Variants in KLHL6 observed in about 807,000 individuals in gnomAD.
The protein encoded by KLHL6 is kelch like family member 6.
Under a neutral mutation model 58.6 loss-of-function variants are expected in KLHL6, and 41 were observed. That is an observed-to-expected ratio of 0.70 (90% CI 0.55 to 0.91). The LOEUF (loss-of-function observed/expected upper bound fraction) is 0.91. Ranked by LOEUF, KLHL6 falls within the 40% of genes least tolerant of loss-of-function variation. KLHL6 has a pLI of 0.00. For synonymous variants in KLHL6, 338 were observed against 322.7 expected, an observed-to-expected ratio of 1.05 and a Z score of -0.51; for missense variants, 714 against 805.6, an observed-to-expected ratio of 0.89 and a Z score of 1.38.
At chr3:183,498,990 C>G (rs549833574) in intron 4 of KLHL6, among the ~76,000 whole-genome samples, 8 of 152,338 alleles carry the variant, frequency 5.3e-5, no homozygotes, top group Non-Finnish European at 1.2e-4. Context: ...ACCACTTTCC[C>G]TCTTCTTTTT....
intron 2 of KLHL6, chr3:183,520,924 T>C (rs1711735696): frequency 6.6e-6 from 1 of 152,082 alleles, no homozygotes; most frequent in South Asian, 2.1e-4. Flanking sequence ...AGTGTGACCC[T>C]TTGCGGGTGT....
intron 3 of KLHL6, among the ~76,000 whole-genome samples, chr3:183,501,414 G>C (rs887359366): frequency 2.0e-5 from 3 of 152,198 alleles, no homozygotes; most frequent in Admixed American, 2.0e-4. Flanking sequence ...AGGTGTTTCA[G>C]GGCAATGCTT....
At chr3:183,519,895 CAAAAAAAAAAAAAA>C (rs56101517) in intron 2 of KLHL6, among the ~76,000 whole-genome samples, 1 of 83,294 alleles carries the variant, frequency 1.2e-5, no homozygotes, top group African/African-American at 5.3e-5. Flanking sequence ...AACCCTGTCT[CAAAAAAAAAAAAAA>C]AAAAAAAACA....
At chr3:183,518,358 C>T (rs1384904952) in intron 2 of KLHL6, among the ~76,000 whole-genome samples, 2 of 152,124 alleles carry the variant, frequency 1.3e-5, no homozygotes. Context: ...ACATGGTCAA[C>T]ATCAAATGGG....
intron 4 of KLHL6, among the ~76,000 whole-genome samples, chr3:183,497,640 C>T (rs747642207): frequency 3.6e-4 from 55 of 152,104 alleles, no homozygotes; most frequent in Non-Finnish European, 7.4e-4. Context: ...GCAGGTGTGA[C>T]TTCTCAACTC....
chr3:183,496,411 T>A (rs1412415955), intron 4 of KLHL6, among the ~76,000 whole-genome samples: 1 of 152,218 alleles, frequency 6.6e-6, no homozygotes, highest in Non-Finnish European at 1.5e-5. Flanking sequence ...TTGGTACAAC[T>A]TTTCTGTAGG....
chr3:183,492,101 G>T lies in KLHL6; in HGVS notation c.1692C>A (p.Gly564=). 1.2e-6 allele frequency: 2 copies of T among 1,613,874 alleles called. No homozygotes were observed. The highest frequency in any genetic ancestry group is 1.7e-6 in the Non-Finnish European group (2 of 1,180,004). ...APCNNRLYIT[G]GRDEKNEVIA... ...TAACCTCGTTCTTCTCGTCCCGCCC[G>T]CCGGTGATGTAGAGCCGGTTGTTGC... is the stretch of plus-strand genomic sequence containing the variant. The change falls in exon 7 of 7, where the codon GGC becomes GGA. Residue 564 remains glycine (G), a synonymous_variant. Transcript: ENST00000341319. This position sits in a 1 kb window ranked among gnomAD's most constrained non-coding sequence, Gnocchi z 5.9.
intron 1 of KLHL6, chr3:183,548,608 A>G (rs1023811809): frequency 6.6e-6 from 1 of 152,232 alleles, no homozygotes; most frequent in African/African-American, 2.4e-5. Flanking sequence ...TTGTGAGCAC[A>G]ATCTATGCAC....
intron 1 of KLHL6, among the ~76,000 whole-genome samples, chr3:183,545,103 G>A (rs1712677078): frequency 1.3e-5 from 2 of 152,280 alleles, no homozygotes; most frequent in South Asian, 2.1e-4. Flanking sequence ...CAGGCTGCAC[G>A]AAAGGGCCTG....
At chr3:183,507,745 C>A (rs1718049910) in intron 3 of KLHL6, among the ~76,000 whole-genome samples, 1 of 152,098 alleles carries the variant, frequency 6.6e-6, no homozygotes, top group Non-Finnish European at 1.5e-5. Flanking sequence ...AGGGCACATT[C>A]TTGTTTGTGC....
intron 2 of KLHL6, among the ~76,000 whole-genome samples, chr3:183,525,269 A>AACACACACACACACACACACACACAC (rs1553811030): frequency 1.3e-4 from 18 of 133,844 alleles, no homozygotes; most frequent in African/African-American, 2.8e-4. Context: ...CTAAAAAAAA[A>AACACACACACACACACACACACACAC]ACACACACAC....
intron 2 of KLHL6, 115 bp downstream of exon 2, chr3:183,527,730 G>A: frequency 1.3e-6 from 1 of 789,166 alleles, no homozygotes; most frequent in Non-Finnish European, 2.1e-6. Flanking sequence ...GTGCGTGTGT[G>A]TGTGTGTGTC....
chr3:183,513,684 C>G (rs1718251505), intron 2 of KLHL6, among the ~76,000 whole-genome samples: 1 of 151,732 alleles, frequency 6.6e-6, no homozygotes, highest in African/African-American at 2.4e-5. Flanking sequence ...TGTGTATGGA[C>G]CGAATGTGAA....
At chr3:183,507,850 C>G (rs113416394) in intron 3 of KLHL6, among the ~76,000 whole-genome samples, 1 of 152,132 alleles carries the variant, frequency 6.6e-6, no homozygotes, top group South Asian at 2.1e-4. Flanking sequence ...TCTCACCTAA[C>G]GCGCTCAGTA....
intron 1 of KLHL6, among the ~76,000 whole-genome samples, chr3:183,537,794 C>T (rs950368958): frequency 3.9e-5 from 6 of 152,152 alleles, no homozygotes; most frequent in African/African-American, 1.2e-4. Context: ...AATCTAAAAT[C>T]GCCACTCCCT....
chr3:183,504,508 C>A (rs1424731097), intron 3 of KLHL6, among the ~76,000 whole-genome samples: 1 of 152,072 alleles, frequency 6.6e-6, no homozygotes, highest in African/African-American at 2.4e-5. Context: ...CTCGGAAATA[C>A]AAAAGGCAAT....
At chr3:183,498,687 A>T (rs544284514) in intron 4 of KLHL6, among the ~76,000 whole-genome samples, 1 of 152,354 alleles carries the variant, frequency 6.6e-6, no homozygotes, top group South Asian at 2.1e-4. Context: ...AGACTGCGTC[A>T]TTCAATAAAT....
chr3:183,553,437 C>G (rs550943530), intron 1 of KLHL6, among the ~76,000 whole-genome samples: 16 of 152,302 alleles, frequency 1.1e-4, no homozygotes, highest in African/African-American at 3.9e-4. Context: ...AACCCGCTAA[C>G]AAAACTGCTT....
chr3:183,507,852 C>T (rs375460203), intron 3 of KLHL6, among the ~76,000 whole-genome samples: 14 of 152,128 alleles, frequency 9.2e-5, no homozygotes, highest in Admixed American at 6.5e-5. Context: ...TCACCTAACG[C>T]GCTCAGTAAC....
Sources: gnomAD v4.1 joint callset for allele counts (sites outside exome capture counted in the v4.1 genomes callset) on GRCh38, gnomAD v4.1.1 for gene constraint, Gnocchi (gnomAD v3.1) non-coding constraint, MANE v1.5 for transcripts, NCBI Gene and HGNC (gene_info 2026-07-23, HGNC 2026-07-21) for gene names.